FNTB: variants seen among roughly 807,000 people sequenced by gnomAD.
FNTB encodes the protein farnesyltransferase, CAAX box, subunit beta.
FNTB carries 27 observed loss-of-function variants against 59.4 expected under a neutral mutation model. That is an observed-to-expected ratio of 0.45 (90% CI 0.34 to 0.63). The LOEUF (loss-of-function observed/expected upper bound fraction) is 0.63, where lower values mean the gene tolerates loss of function less well. Among genes scored for constraint, FNTB ranks in the 20% least tolerant of loss-of-function variants. The pLI is 0.02. For synonymous variants in FNTB, 230 were observed against 220.7 expected (o/e 1.04, Z -0.37); for missense variants, 449 against 559.6 (o/e 0.80, Z 1.99).
At chr14:65,049,845 G>A (rs1490427854) in intron 9 of FNTB, among the ~76,000 whole-genome samples, 4 of 151,752 alleles carry the variant, frequency 2.6e-5, no homozygotes, top group Non-Finnish European at 4.4e-5. Flanking sequence ...ATTCAGTTGC[G>A]AACCATCATG....
chr14:65,010,541 C>T (rs1220945042), intron 2 of FNTB, among the ~76,000 whole-genome samples: 1 of 152,238 alleles, frequency 6.6e-6, no homozygotes, highest in Non-Finnish European at 1.5e-5. Flanking sequence ...CTCCTCAGAG[C>T]TTCTAACCCT....
At chr14:64,989,289 A>AG (rs1055600931) in intron 1 of FNTB, among the ~76,000 whole-genome samples, 1 of 150,406 alleles carries the variant, frequency 6.6e-6, no homozygotes, top group African/African-American at 2.4e-5. Context: ...AAAAAAAAAA[A>AG]AAAAAGTAGC....
intron 9 of FNTB, among the ~76,000 whole-genome samples, chr14:65,046,780 C>T (rs2139653657): frequency 6.6e-6 from 1 of 151,736 alleles, no homozygotes; most frequent in Non-Finnish European, 1.5e-5. Flanking sequence ...TGTGGAATCC[C>T]ATTTTTAGTG....
At chr14:65,006,189 A>G (rs1359529539) in intron 2 of FNTB, 3 of 1,597,360 alleles carry the variant, frequency 1.9e-6, no homozygotes, top group Middle Eastern at 1.7e-4. Flanking sequence ...CATTTCCTTA[A>G]GAAACTTTTT....
intron 4 of FNTB, among the ~76,000 whole-genome samples, chr14:65,021,208 G>A (rs941269662): frequency 1.3e-5 from 2 of 152,146 alleles, no homozygotes; most frequent in African/African-American, 4.8e-5. Flanking sequence ...GTGAAACAGA[G>A]CAAAATAAAA....
rs1168329998 is a variant in FNTB, at chr14:64,987,051, A to T, written c.98A>T (p.Glu33Val). ...LYSLRPEHARERLQDDSVETV... is the reference protein window; with the variant it reads ...LYSLRPEHARVRLQDDSVETV... ...AGTCTGAGGCCCGAGCACGCGCGAG[A>T]GCGGTTGCAGGACGACTCGGTGGAA... Residue 33 changes from glutamate (E) to valine (V), a missense_variant, in exon 1 of 12, where the codon GAG becomes GTG. By Grantham distance (121) the Glu-to-Val change is moderately radical (BLOSUM62 -2). Coordinates refer to ENST00000246166, the MANE Select transcript of FNTB (RefSeq NM_002028.4). 1 of 1,614,158 alleles carries T rather than the reference A, an allele frequency of 6.2e-7. No homozygotes were observed.
At position 65,031,984 on chromosome 14, in the gene FNTB, G is replaced by GTGTA. The variant is rs1415757778; in HGVS notation, c.606-623_606-622insATGT. On this transcript the variant is annotated intron_variant, in intron 6 of 11. Transcript: ENST00000246166. This position sits in a 1 kb window ranked among gnomAD's most constrained non-coding sequence, Gnocchi z 4.6. The stretch of plus-strand genomic sequence containing the variant: ...CGTGCGCCTTTTTCATTTAACGTGT[G>GTGTA]TGTGTGTGTGTGTGTGTGTGTGTGT... 1.7e-4 allele frequency among the ~76,000 whole-genome samples: 20 copies of GTGTA among 119,552 alleles called. No individual in the cohort carries two copies. Among genetic ancestry groups the GTGTA allele is most frequent in the African/African-American group, 5.1e-4 (19 of 37,008 alleles). 78.4% of individuals were successfully genotyped at this position (119,552 alleles called of 152,430 possible). A position where few individuals can be genotyped will look rare whatever the true frequency, so the allele number is the denominator to read the frequency against.
intron 1 of FNTB, among the ~76,000 whole-genome samples, chr14:64,995,682 A>T (rs1405991249): frequency 6.7e-6 from 1 of 150,300 alleles, no homozygotes; most frequent in Non-Finnish European, 1.5e-5. Flanking sequence ...AGTTTATATT[A>T]TATATTTTAA....
At chr14:65,022,821 G>A (rs184572202) in intron 4 of FNTB, among the ~76,000 whole-genome samples, 1 of 152,128 alleles carries the variant, frequency 6.6e-6, no homozygotes, top group African/African-American at 2.4e-5. Context: ...TTCACAACTC[G>A]TGGACCCTTA....
chr14:64,997,563 G>A lies in FNTB; in HGVS notation c.145-6686G>A, dbSNP rs1363824786. Among the ~76,000 whole-genome samples, 1 of 152,258 alleles carries A rather than the reference G, an allele frequency of 6.6e-6. No homozygotes were observed. The highest frequency in any genetic ancestry group is 1.5e-5 in the Non-Finnish European group (1 of 68,054). ...TGCAAGGCTGTGGTCTTAGTGAATT[G>A]ATTGTGTCTGTGCAGCAAGCTGGAA... On this transcript the variant is annotated intron_variant, in intron 1 of 11. Coordinates refer to ENST00000246166, the MANE Select transcript of FNTB (RefSeq NM_002028.4). This position sits in a 1 kb window ranked among gnomAD's most constrained non-coding sequence, Gnocchi z 4.5.
intron 1 of FNTB, among the ~76,000 whole-genome samples, chr14:65,002,793 A>G (rs2061536951): frequency 4.6e-5 from 7 of 152,012 alleles, no homozygotes; most frequent in Admixed American, 4.6e-4. Flanking sequence ...TTGTTGATTG[A>G]TTGAAAAGTG....
In FNTB at chr14:65,034,311, C is replaced by T. The variant is rs144028273; in HGVS notation, c.692+1615C>T. Among the ~76,000 whole-genome samples, 1,228 of 152,286 alleles carry T rather than the reference C, an allele frequency of 8.1e-3. 23 individuals are homozygous for T. The highest frequency in any genetic ancestry group is 0.025 in the African/African-American group (1,040 of 41,556). On this transcript the variant is annotated intron_variant, in intron 7 of 11. Transcript: ENST00000246166. ...TTCATTTCTCTCCTTCGTTGAAGTC[C>T]CTGTCCTCCTTTTTCTTGGTTTTCT...
chr14:64,992,364 T>C (rs1417009269), intron 1 of FNTB, among the ~76,000 whole-genome samples: 1 of 152,204 alleles, frequency 6.6e-6, no homozygotes, highest in Non-Finnish European at 1.5e-5. Context: ...CTACTTAAAA[T>C]CACCTACTTT....
chr14:65,038,364 C>T (rs901696593), intron 7 of FNTB, among the ~76,000 whole-genome samples: 21 of 144,948 alleles, frequency 1.4e-4, no homozygotes, highest in Non-Finnish European at 2.1e-4. Context: ...GAGCCGAGAT[C>T]GCACCATTGC....
chr14:65,061,321 G>A lies in FNTB; in HGVS notation c.*9G>A. ...AGCCTGCAACCGACTAGAGGACCTG[G>A]GTCCCGGCAGCTCTTTGCTCACCCA... On this transcript the variant is annotated 3_prime_UTR_variant, in exon 12 of 12. Coordinates refer to ENST00000246166, the MANE Select transcript of FNTB (RefSeq NM_002028.4). 6.2e-7 allele frequency: 1 copy of A among 1,613,306 alleles called. No individual in the cohort carries two copies. Among genetic ancestry groups the A allele is most frequent in the Non-Finnish European group, 8.5e-7 (1 of 1,179,982 alleles).
Position 65,044,235 on chromosome 14 carries a change from G to C in FNTB, c.823-76G>C, listed in dbSNP as rs1313098418. On this transcript the variant is annotated intron_variant, in intron 8 of 11. Coordinates refer to ENST00000246166, the MANE Select transcript of FNTB (RefSeq NM_002028.4). The surrounding 1 kb of genome is among the most constrained non-coding windows in gnomAD (Gnocchi z 5.5). ...TGGGAAACCCTCCATCCCACAGATT[G>C]ACTCCTGGAGATTCTGTCGGGCTGG... is the stretch of plus-strand genomic sequence containing the variant. 2.5e-6 allele frequency: 4 copies of C among 1,600,346 alleles called. No homozygotes were observed. Among genetic ancestry groups the C allele is most frequent in the Admixed American group, 1.8e-5 (1 of 55,808 alleles).
chr14:64,987,869 C>T (rs1376330748), intron 1 of FNTB, among the ~76,000 whole-genome samples: 2 of 152,082 alleles, frequency 1.3e-5, no homozygotes, highest in East Asian at 3.9e-4. Context: ...TCTTCTTATT[C>T]CCTAATTGGA....
chr14:64,989,421 A>G (rs1190860244), intron 1 of FNTB, among the ~76,000 whole-genome samples: 1 of 152,192 alleles, frequency 6.6e-6, no homozygotes, highest in South Asian at 2.1e-4. Flanking sequence ...AGCCTGGGCA[A>G]CAGAGTAAAA....
In FNTB at chr14:65,053,152, T is replaced by C. The variant is rs567638748; in HGVS notation, c.956-86T>C. ...AGGAAGGGGAGCAGGAAACCTTGAC[T>C]ATTCCCCCAGGTGAGAAAGTGGAAT... On this transcript the variant is annotated intron_variant, in intron 9 of 11. Transcript: ENST00000246166. 3.8e-5 allele frequency: 41 copies of C among 1,077,128 alleles called. No individual in the cohort carries two copies. In the African/African-American group the frequency reaches 4.9e-4, roughly 13 times the overall value. 66.7% of individuals were successfully genotyped at this position (1,077,128 alleles called of 1,614,324 possible).
Sources: allele counts gnomAD v4.1 joint callset (sites outside exome capture counted in the v4.1 genomes callset), GRCh38; gene constraint gnomAD v4.1.1; non-coding constraint Gnocchi (gnomAD v3.1); transcripts MANE v1.5; gene names NCBI Gene and HGNC (gene_info 2026-07-23, HGNC 2026-07-21).